CSGALNACT1: variants seen among roughly 807,000 people sequenced by gnomAD.
CSGALNACT1 encodes the protein beta4GalNAcT-1.
In CSGALNACT1, 52 loss-of-function variants were observed where a neutral mutation model predicts 51.0. The ratio of observed to expected loss-of-function variants is 1.02; its 90% CI spans 0.82 to 1.29. The LOEUF (loss-of-function observed/expected upper bound fraction) is 1.29. Ranked by LOEUF, CSGALNACT1 falls within the 50% of genes most tolerant of loss-of-function variation. The pLI is 0.00. For synonymous variants in CSGALNACT1, 341 were observed against 254.4 expected (o/e 1.34, Z -3.24); for missense variants, 935 against 679.2 (o/e 1.38, Z -4.19).
chr8:19,410,665 G>A (rs1300389221), intron 8 of CSGALNACT1, among the ~76,000 whole-genome samples: 3 of 152,216 alleles, frequency 2.0e-5, no homozygotes, highest in African/African-American at 4.8e-5. Context: ...GGTGAAGGGG[G>A]ACCCTCACAT....
chr8:19,618,817 C>A (rs1247546913), intron 1 of CSGALNACT1, among the ~76,000 whole-genome samples: 1 of 152,194 alleles, frequency 6.6e-6, no homozygotes, highest in East Asian at 1.9e-4. Context: ...TCTCTAAGTG[C>A]CTTCTAAATT....
In CSGALNACT1 at chr8:19,617,835, T is replaced by C. The variant is rs184480342; in HGVS notation, c.-543-15970A>G. The stretch of plus-strand genomic sequence containing the variant: ...ATTAATACCTTGAAGGAAGAATAGA[T>C]AGGCTTTTAAAAGAGGAACTTAATA... On this transcript the variant is annotated intron_variant, in intron 1 of 9. Coordinates refer to the CSGALNACT1 transcript ENST00000332246. Among the ~76,000 whole-genome samples, 887 of 152,366 alleles carry C rather than the reference T, an allele frequency of 5.8e-3. 10 individuals are homozygous for C. Among genetic ancestry groups the C allele is most frequent in the African/African-American group, 0.02 (846 of 41,582 alleles).
chr8:19,453,820 G>C (rs367641758), intron 5 of CSGALNACT1, among the ~76,000 whole-genome samples: 3 of 151,816 alleles, frequency 2.0e-5, no homozygotes, highest in South Asian at 2.1e-4. Flanking sequence ...GCTGAGGTAC[G>C]AGAAGCACTT....
chr8:19,664,407 C>CTTGA (rs372934039), intron 1 of CSGALNACT1, among the ~76,000 whole-genome samples: 43 of 152,256 alleles, frequency 2.8e-4, no homozygotes, highest in African/African-American at 1.0e-3. Context: ...TTAGTACAGC[C>CTTGA]TTCAAGGAAG....
intron 3 of CSGALNACT1, among the ~76,000 whole-genome samples, chr8:19,554,850 G>A (rs985862463): frequency 6.6e-6 from 1 of 151,980 alleles, no homozygotes; most frequent in African/African-American, 2.4e-5. Flanking sequence ...CCTGGGAGGC[G>A]GCAGTTGCAG....
intron 1 of CSGALNACT1, among the ~76,000 whole-genome samples, chr8:19,734,019 C>T (rs559751428): frequency 6.6e-6 from 1 of 152,274 alleles, no homozygotes; most frequent in South Asian, 2.1e-4. Context: ...TATCTGTTCA[C>T]CCCCCAACAA....
chr8:19,557,803 T>C (rs1382811417), intron 3 of CSGALNACT1, among the ~76,000 whole-genome samples: 2 of 152,170 alleles, frequency 1.3e-5, no homozygotes, highest in South Asian at 2.1e-4. Context: ...TCTCCTATCC[T>C]GAAACATAAA....
At chr8:19,405,559 G>T in exon 10 of CSGALNACT1, 1 of 693,418 alleles carries the variant, frequency 1.4e-6, no homozygotes, top group Non-Finnish European at 2.6e-6. Flanking sequence ...GCCTTTGTCA[G>T]ACACTTCACA....
At chr8:19,596,707 C>G (rs987983165) in intron 2 of CSGALNACT1, among the ~76,000 whole-genome samples, 15 of 151,936 alleles carry the variant, frequency 9.9e-5, no homozygotes, top group African/African-American at 3.4e-4. Context: ...AAAATCTAAG[C>G]AAAGGAAAAA....
At chr8:19,619,326 T>A (rs2053516637) in intron 1 of CSGALNACT1, among the ~76,000 whole-genome samples, 1 of 151,426 alleles carries the variant, frequency 6.6e-6, no homozygotes, top group Admixed American at 6.6e-5. Flanking sequence ...GAATACAATA[T>A]GGCTGGAATT....
intron 3 of CSGALNACT1, among the ~76,000 whole-genome samples, chr8:19,512,370 A>G (rs1454146892): frequency 6.6e-6 from 1 of 152,196 alleles, no homozygotes; most frequent in Non-Finnish European, 1.5e-5. Flanking sequence ...CCTGAACGAA[A>G]ACTATCCAGC....
chr8:19,486,552 G>C (rs1338888232), intron 4 of CSGALNACT1, among the ~76,000 whole-genome samples: 4 of 152,192 alleles, frequency 2.6e-5, no homozygotes, highest in East Asian at 1.9e-4. Context: ...TTCCTGCCCA[G>C]AGCTTGCACA....
intron 1 of CSGALNACT1, among the ~76,000 whole-genome samples, chr8:19,615,076 G>A (rs547470632): frequency 2.1e-4 from 32 of 152,270 alleles, no homozygotes; most frequent in East Asian, 1.9e-4. Context: ...TTGGGAGGTC[G>A]AATGGGTATT....
chr8:19,525,556 G>A (rs1180547867), intron 3 of CSGALNACT1, among the ~76,000 whole-genome samples: 1 of 139,464 alleles, frequency 7.2e-6, no homozygotes, highest in African/African-American at 2.6e-5. Flanking sequence ...GGCAGAGGCT[G>A]CAGTGAGCTG....
chr8:19,490,719 C>G (rs1207257957), intron 4 of CSGALNACT1, among the ~76,000 whole-genome samples: 2 of 152,150 alleles, frequency 1.3e-5, no homozygotes, highest in Non-Finnish European at 2.9e-5. Context: ...GTAACTTCTT[C>G]CACAGGGCCC....
intron 3 of CSGALNACT1, among the ~76,000 whole-genome samples, chr8:19,563,339 AG>A (rs2041205165): frequency 6.6e-6 from 1 of 152,184 alleles, no homozygotes; most frequent in Admixed American, 6.5e-5. Context: ...ATTAATACTT[AG>A]GTGATGGGTT....
At chr8:19,596,285 T>G (rs2048882668) in intron 2 of CSGALNACT1, among the ~76,000 whole-genome samples, 1 of 152,116 alleles carries the variant, frequency 6.6e-6, no homozygotes, top group South Asian at 2.1e-4. Flanking sequence ...GACACCAGTG[T>G]GATATTGACA....
At chr8:19,467,561 A>C (rs1327120629) in intron 4 of CSGALNACT1, among the ~76,000 whole-genome samples, 1 of 152,202 alleles carries the variant, frequency 6.6e-6, no homozygotes, top group Non-Finnish European at 1.5e-5. Context: ...ACTGAAGTAG[A>C]AGCCTGGGTT....
rs2059340044 is a variant in CSGALNACT1 at position 19,666,977 on chromosome 8, A to G, written c.-544+15496T>C. Reference sequence around the variant, plus strand: ...AAAGAAAGAAAGAAAGAAAGAAAGAAAGAAAGAAAGAAAGAAAGAAAGAAA... The same window carrying G: ...AAAGAAAGAAAGAAAGAAAGAAAGAGAGAAAGAAAGAAAGAAAGAAAGAAA... On this transcript the variant is annotated intron_variant, in intron 1 of 9. Coordinates refer to the CSGALNACT1 transcript ENST00000332246. Among the ~76,000 whole-genome samples the G allele has an allele frequency of 6.0e-4, 7 of 11,656 alleles. 1 individual carries two copies. Among genetic ancestry groups the G allele is most frequent in the African/African-American group, 4.0e-3 (7 of 1,760 alleles). The allele number at this position is 11,656 out of a possible 152,430, so 7.6% of individuals were successfully genotyped here. A position where few individuals can be genotyped will look rare whatever the true frequency, so the allele number is the denominator to read the frequency against.
Sources: allele counts gnomAD v4.1 joint callset (sites outside exome capture counted in the v4.1 genomes callset), GRCh38; gene constraint gnomAD v4.1.1; transcripts MANE v1.5; gene names NCBI Gene and HGNC (gene_info 2026-07-23, HGNC 2026-07-21).